ACSS3: variants seen among roughly 807,000 people sequenced by gnomAD.
ACSS3 encodes acyl-CoA synthetase short-chain family member 3, mitochondrial.
Under a neutral mutation model 84.2 loss-of-function variants are expected in ACSS3, and 64 were observed. That is an observed-to-expected ratio of 0.76 (90% CI 0.62 to 0.94). The LOEUF (loss-of-function observed/expected upper bound fraction) is 0.94. ACSS3 is among the 40% of genes least tolerant of loss of function. ACSS3 has a pLI of 0.00. For synonymous variants in ACSS3, 317 were observed against 310.1 expected, an observed-to-expected ratio of 1.02 and a Z score of -0.23; for missense variants, 815 against 867.6, an observed-to-expected ratio of 0.94 and a Z score of 0.76.
At chr12:81,127,315 A>G (rs555657938) in intron 2 of ACSS3, among the ~76,000 whole-genome samples, 16 of 152,222 alleles carry the variant, frequency 1.1e-4, no homozygotes, top group African/African-American at 3.4e-4. Context: ...TAGTTTTACT[A>G]TCATTCCAGA....
chr12:81,253,698 G>A (rs374868276), intron 15 of ACSS3, 28 bp downstream of exon 15: 1 of 1,595,234 alleles, frequency 6.3e-7, no homozygotes, highest in South Asian at 1.1e-5. Context: ...TTTATTCCTG[G>A]GTTCTAAGAT....
intron 7 of ACSS3, among the ~76,000 whole-genome samples, chr12:81,173,552 G>A (rs765322324): frequency 1.4e-4 from 22 of 151,980 alleles, no homozygotes; most frequent in Non-Finnish European, 2.8e-4. Context: ...TCTAATCAAT[G>A]AGTATTGAAT....
intron 15 of ACSS3, among the ~76,000 whole-genome samples, chr12:81,254,140 G>C (rs952319971): frequency 6.6e-6 from 1 of 152,000 alleles, no homozygotes; most frequent in African/African-American, 2.4e-5. Context: ...ATGTTGCCCA[G>C]GGTGGTCTTG....
chr12:81,176,837 A>T (rs1273958938), intron 8 of ACSS3, among the ~76,000 whole-genome samples: 4 of 152,206 alleles, frequency 2.6e-5, no homozygotes, highest in Non-Finnish European at 2.9e-5. Context: ...CATCATTCTG[A>T]TACCAAACTC....
intron 8 of ACSS3, among the ~76,000 whole-genome samples, chr12:81,197,011 T>G (rs2031869551): frequency 6.6e-6 from 1 of 152,194 alleles, no homozygotes; most frequent in Non-Finnish European, 1.5e-5. Context: ...TAAAATGTAA[T>G]AAGATAATTT....
At chr12:81,223,786 A>C (rs11114795) in intron 11 of ACSS3, among the ~76,000 whole-genome samples, 1 of 151,930 alleles carries the variant, frequency 6.6e-6, no homozygotes, top group Non-Finnish European at 1.5e-5. Flanking sequence ...GATTTAACCC[A>C]GATCTCTCTA....
intron 5 of ACSS3, among the ~76,000 whole-genome samples, chr12:81,150,615 T>A (rs934446642): frequency 2.0e-5 from 3 of 152,136 alleles, no homozygotes; most frequent in Non-Finnish European, 2.9e-5. Flanking sequence ...ATCTAGAAAA[T>A]AGCTCTCAAA....
intron 4 of ACSS3, among the ~76,000 whole-genome samples, chr12:81,142,809 C>G (rs1886155601): frequency 6.6e-6 from 1 of 152,158 alleles, no homozygotes. Flanking sequence ...TTATTTAAGC[C>G]ATGAGTGTTG....
chr12:81,190,500 GT>G (rs2135870211), intron 8 of ACSS3, among the ~76,000 whole-genome samples: 1 of 152,090 alleles, frequency 6.6e-6, no homozygotes, highest in Non-Finnish European at 1.5e-5. Flanking sequence ...ACTAATTGTA[GT>G]AGTTTTAATG....
At chr12:81,192,846 A>C (rs149256372) in intron 8 of ACSS3, among the ~76,000 whole-genome samples, 1 of 151,728 alleles carries the variant, frequency 6.6e-6, no homozygotes. Context: ...GTCTCTCTAC[A>C]TTTTTCTTTT....
intron 10 of ACSS3, among the ~76,000 whole-genome samples, chr12:81,217,862 A>T (rs1223410193): frequency 1.3e-5 from 2 of 152,018 alleles, no homozygotes; most frequent in Non-Finnish European, 2.9e-5. Context: ...TAAATATAAA[A>T]ATAAAAATAA....
At chr12:81,124,358 G>A (rs1884899962) in intron 2 of ACSS3, 1 of 151,954 alleles carries the variant, frequency 6.6e-6, no homozygotes, top group South Asian at 2.1e-4. Flanking sequence ...TCTGTTATCC[G>A]GGTTAGGTTT....
intron 1 of ACSS3, among the ~76,000 whole-genome samples, chr12:81,097,064 T>G (rs911940761): frequency 1.3e-5 from 2 of 152,224 alleles, no homozygotes; most frequent in Admixed American, 1.3e-4. Flanking sequence ...GTGGAGAAAC[T>G]AAATTTTAAA....
chr12:81,178,212 G>A (rs996892438), intron 8 of ACSS3, among the ~76,000 whole-genome samples: 11 of 149,932 alleles, frequency 7.3e-5, no homozygotes, highest in African/African-American at 2.7e-4. Flanking sequence ...ACTATCTCAA[G>A]GACAAAAAAC....
At chr12:81,153,238 T>C (rs1886700875) in intron 7 of ACSS3, among the ~76,000 whole-genome samples, 1 of 151,964 alleles carries the variant, frequency 6.6e-6, no homozygotes, top group Admixed American at 6.6e-5. Flanking sequence ...TGAAGCCCTG[T>C]CTGTACTAAA....
chr12:81,134,747 C>T, intron 2 of ACSS3, 69 bp from the exon 3 acceptor site: 16 of 1,339,062 alleles, frequency 1.2e-5, no homozygotes, highest in Non-Finnish European at 1.6e-5. Context: ...TCTAATATTA[C>T]TGCCTTAAGT....
chr12:81,169,922 T>G (rs531741397), intron 7 of ACSS3, among the ~76,000 whole-genome samples: 2 of 152,294 alleles, frequency 1.3e-5, no homozygotes, highest in East Asian at 3.9e-4. Flanking sequence ...ACCTTAGAAC[T>G]GCTGTGGAAA....
chr12:81,255,521 A>C lies in ACSS3; in HGVS notation c.*599A>C, dbSNP rs150238152. ...TAGCTATACCTTCAGGTCTTTTGTT[A>C]CTTAGGCAAGGAAAACCACATGTCT... On this transcript the variant is annotated 3_prime_UTR_variant, in exon 16 of 16. Coordinates refer to ENST00000548058, the MANE Select transcript of ACSS3 (RefSeq NM_024560.4). 14 of 51,586 alleles carry C rather than the reference A, an allele frequency of 2.7e-4. No homozygotes were observed. In the Admixed American group the frequency reaches 2.7e-3, roughly 10 times the overall value. The allele number at this position is 51,586 out of a possible 1,614,324, so 3.2% of individuals were successfully genotyped here.
chr12:81,104,413 T>C (rs149729027), intron 1 of ACSS3, among the ~76,000 whole-genome samples: 75 of 152,276 alleles, frequency 4.9e-4, no homozygotes, highest in African/African-American at 1.8e-3. Context: ...GTGGCCTCAA[T>C]TTCATCCTTA....
Sources: gnomAD v4.1 joint callset for allele counts (sites outside exome capture counted in the v4.1 genomes callset) on GRCh38, gnomAD v4.1.1 for gene constraint, MANE v1.5 for transcripts, NCBI Gene and HGNC (gene_info 2026-07-23, HGNC 2026-07-21) for gene names.